The following CTRC variants were observed in gnomAD, a reference collection of about 807,000 sequenced individuals.
The protein encoded by CTRC is chymotrypsin-C.
Under a neutral mutation model 35.7 loss-of-function variants are expected in CTRC, and 32 were observed. The observed-to-expected ratio is 0.90, with a 90% confidence interval of 0.68 to 1.20. The LOEUF (loss-of-function observed/expected upper bound fraction) is 1.20, where lower values mean the gene tolerates loss of function less well. Ranked by LOEUF, CTRC falls within the 50% of genes most tolerant of loss-of-function variation. CTRC has a pLI of 0.00. For missense variants in CTRC, 324 were observed against 361.5 expected, an observed-to-expected ratio of 0.90 and a Z score of 0.84; for synonymous variants, 119 against 149.5, an observed-to-expected ratio of 0.80 and a Z score of 1.49.
chr1:15,445,559 G>A (rs758245744), intron 6 of CTRC, 38 bp from the exon 7 acceptor site: 3 of 1,607,296 alleles, frequency 1.9e-6, no homozygotes, highest in Non-Finnish European at 2.6e-6. Context: ...TCCTCTGGGG[G>A]GGGGCCTGGT....
chr1:15,443,327 C>T, intron 4 of CTRC, 92 bp from the exon 5 acceptor site: 7 of 1,521,078 alleles, frequency 4.6e-6, no homozygotes, highest in Non-Finnish European at 6.4e-6. Flanking sequence ...GCACCCTGGG[C>T]CTGACTCCCA....
At chr1:15,440,226 G>GCA in intron 1 of CTRC, 74 bp from the exon 2 acceptor site, 2 of 523,578 alleles carry the variant, frequency 3.8e-6, no homozygotes, top group Non-Finnish European at 7.3e-6. Context: ...TCTTCCACCT[G>GCA]CCCACCCTCC....
Position 15,443,499 on chromosome 1 carries a change from A to T in CTRC, c.437A>T (p.Asp146Val). 1 of 1,613,786 alleles carries T rather than the reference A, an allele frequency of 6.2e-7. No homozygotes were observed. The highest frequency in any genetic ancestry group is 8.5e-7 in the Non-Finnish European group (1 of 1,179,960). ...TIQVACLPEK[D>V]SLLPKDYPCY... ...CAGGTGGCCTGCCTGCCAGAGAAGG[A>T]CTCCCTGCTCCCCAAGGACTACCCC... The change falls in exon 5 of 8, where the codon GAC becomes GTC. Residue 146 changes from aspartate to valine, a missense_variant. Physicochemically the swap from Asp to Val is radical, Grantham distance 152 (BLOSUM62 -3). Transcript: ENST00000375949.
chr1:15,446,720 T>C lies in CTRC; in HGVS notation c.*131T>C. The C allele has an allele frequency of 9.2e-7, 1 of 1,081,310 alleles. No homozygotes were observed. The highest frequency in any genetic ancestry group is 1.8e-5 in the Admixed American group (1 of 55,970). 67.0% of individuals were successfully genotyped at this position (1,081,310 alleles called of 1,614,324 possible). ...TCTCTGGTGCTGCCCCTTTCCACAC[T>C]ATGGAGCCAAAGAGAGACCCCACTC... is the stretch of plus-strand genomic sequence containing the variant. On this transcript the variant is annotated 3_prime_UTR_variant, in exon 8 of 8. Coordinates refer to ENST00000375949, the MANE Select transcript of CTRC (RefSeq NM_007272.3).
At chr1:15,442,642 C>A in intron 4 of CTRC, 70 bp downstream of exon 4, 5 of 1,603,482 alleles carry the variant, frequency 3.1e-6, no homozygotes, top group Non-Finnish European at 4.3e-6. Flanking sequence ...AAGACGGAGC[C>A]GCAGAGCCTG....
At chr1:15,439,284 G>T (rs1327989192) in intron 1 of CTRC, among the ~76,000 whole-genome samples, 2 of 152,004 alleles carry the variant, frequency 1.3e-5, no homozygotes, top group East Asian at 3.9e-4. Context: ...AAATTAGCCA[G>T]GCGTGGTGGC....
At chr1:15,441,898 C>A (rs568760634) in intron 3 of CTRC, among the ~76,000 whole-genome samples, 192 of 152,022 alleles carry the variant, frequency 1.3e-3, no homozygotes, top group African/African-American at 3.9e-3. Context: ...GAAGCCCAAA[C>A]CTCACCATAA....
chr1:15,446,572 C>T lies in CTRC; in HGVS notation c.793-3C>T. Reference sequence around the variant, plus strand: ...TCTCTCACACTGTTCTCTGCTCCTCCAGAAAATGCAGCTGTGATTTGTTGC... The same window carrying T: ...TCTCTCACACTGTTCTCTGCTCCTCTAGAAAATGCAGCTGTGATTTGTTGC... On this transcript the variant is annotated splice_region_variant and splice_polypyrimidine_tract_variant and intron_variant, in intron 7 of 7. Coordinates refer to ENST00000375949, the MANE Select transcript of CTRC (RefSeq NM_007272.3). 6.2e-7 allele frequency: 1 copy of T among 1,614,232 alleles called. No individual in the cohort carries two copies. The highest frequency in any genetic ancestry group is 1.1e-5 in the South Asian group (1 of 91,084).
chr1:15,445,854 T>G, intron 7 of CTRC, 105 bp downstream of exon 7: 4 of 1,353,276 alleles, frequency 3.0e-6, no homozygotes, highest in Non-Finnish European at 4.2e-6. Flanking sequence ...ATTCATTCAT[T>G]TATTCACTCA....
intron 3 of CTRC, 86 bp from the exon 4 acceptor site, chr1:15,442,360 TC>T: frequency 6.7e-7 from 1 of 1,503,168 alleles, no homozygotes; most frequent in Non-Finnish European, 9.0e-7. Flanking sequence ...CCAAAATGAG[TC>T]CCACTAAAGC....
intron 1 of CTRC, among the ~76,000 whole-genome samples, chr1:15,438,812 C>T (rs1041938209): frequency 2.6e-5 from 4 of 152,202 alleles, no homozygotes; most frequent in East Asian, 1.9e-4. Context: ...CAGGGACCAT[C>T]GGGGTCTGCC....
At chr1:15,440,225 T>TTGGGG in intron 1 of CTRC, 75 bp from the exon 2 acceptor site, 5 of 608,664 alleles carry the variant, frequency 8.2e-6, no homozygotes, top group Non-Finnish European at 9.4e-6. Context: ...TTCTTCCACC[T>TTGGGG]GCCCACCCTC....
intron 7 of CTRC, 151 bp downstream of exon 7, chr1:15,445,900 A>C: frequency 1.1e-6 from 1 of 918,124 alleles, no homozygotes; most frequent in Non-Finnish European, 1.7e-6. Flanking sequence ...GCATTCATTC[A>C]TTTATTCACT....
At chr1:15,440,663 C>A in intron 3 of CTRC, 73 bp downstream of exon 3, 2 of 1,383,062 alleles carry the variant, frequency 1.4e-6, no homozygotes, top group Non-Finnish European at 2.0e-6. Flanking sequence ...TTTTTCTGAG[C>A]AGCTTCTCCG....
At chr1:15,445,359 C>T (rs1022045433) in intron 6 of CTRC, among the ~76,000 whole-genome samples, 4 of 152,132 alleles carry the variant, frequency 2.6e-5, no homozygotes, top group African/African-American at 9.7e-5. Flanking sequence ...AACATCATCC[C>T]AAGATCACAC....
intron 1 of CTRC, among the ~76,000 whole-genome samples, chr1:15,439,583 G>A (rs773866844): frequency 1.3e-5 from 2 of 152,102 alleles, no homozygotes; most frequent in Non-Finnish European, 2.9e-5. Context: ...CGTCTGTCTC[G>A]CGGAACAGCA....
At chr1:15,446,003 T>TATTC (rs55945515) in intron 7 of CTRC, among the ~76,000 whole-genome samples, 84,984 of 151,614 alleles carry the variant, frequency 0.56, 25,037 homozygotes, top group African/African-American at 0.75. Flanking sequence ...CTCATTCATG[T>TATTC]ATTCATTCAT....
chr1:15,444,260 C>CAA (rs113897522), intron 5 of CTRC, among the ~76,000 whole-genome samples: 5 of 137,952 alleles, frequency 3.6e-5, no homozygotes, highest in African/African-American at 1.1e-4. Flanking sequence ...TTGTATGTAT[C>CAA]AAAAAAAAAA....
In CTRC at chr1:15,443,409, T is replaced by G; in HGVS notation, c.357-10T>G. 6.2e-7 allele frequency: 1 copy of G among 1,614,224 alleles called. No homozygotes were observed. Among genetic ancestry groups the G allele is most frequent in the East Asian group, 2.2e-5 (1 of 44,884 alleles). On this transcript the variant is annotated splice_polypyrimidine_tract_variant and intron_variant, in intron 4 of 7. Coordinates refer to ENST00000375949, the MANE Select transcript of CTRC (RefSeq NM_007272.3). ...TCCTGCCCACTCACCCTCTCCACTT[T>G]GGATTCCAGCAATGATATTGCCCTC...
Sources: allele counts gnomAD v4.1 joint callset (sites outside exome capture counted in the v4.1 genomes callset), GRCh38; gene constraint gnomAD v4.1.1; transcripts MANE v1.5; gene names NCBI Gene and HGNC (gene_info 2026-07-23, HGNC 2026-07-21).